Variants in BRF1 observed in about 807,000 individuals in gnomAD.
BRF1 encodes the protein BRF1 general transcription factor IIIB subunit, also known as transcription factor IIIB 90 kDa subunit.
A neutral mutation model predicts 81.7 loss-of-function variants in BRF1; 59 were observed. The ratio of observed to expected loss-of-function variants is 0.72; its 90% CI spans 0.59 to 0.90. The LOEUF (loss-of-function observed/expected upper bound fraction) is 0.90, where lower values mean the gene tolerates loss of function less well. Ranked by LOEUF, BRF1 falls within the 40% of genes least tolerant of loss-of-function variation. BRF1 has a pLI of 0.00. For synonymous variants in BRF1, 491 were observed against 395.6 expected (o/e 1.24, Z -2.86); for missense variants, 1,050 against 936.3 (o/e 1.12, Z -1.58).
Position 105,251,087 on chromosome 14 carries a change from A to T in BRF1, c.544+1420T>A, listed in dbSNP as rs953580188. 1.4e-5 allele frequency: 3 copies of T among 208,812 alleles called. No homozygotes were observed. The Admixed American group carries it at 1.6e-4, about 11-fold the overall frequency. 12.9% of individuals were successfully genotyped at this position (208,812 alleles called of 1,614,324 possible). A position where few individuals can be genotyped will look rare whatever the true frequency, so the allele number is the denominator to read the frequency against. Reference sequence around the variant, plus strand: ...GACTTCTGTAATAAAGGTTGCCTAAAATAACACCCACGTGTCAGTAAATGA... The same window carrying T: ...GACTTCTGTAATAAAGGTTGCCTAATATAACACCCACGTGTCAGTAAATGA... On this transcript the variant is annotated intron_variant, in intron 5 of 17. Transcript: ENST00000547530.
chr14:105,251,596 G>C (rs587600205), intron 5 of BRF1, among the ~76,000 whole-genome samples: 1 of 152,208 alleles, frequency 6.6e-6, no homozygotes, highest in African/African-American at 2.4e-5. Context: ...GGCATGGGCC[G>C]AGTGTATAGC....
intron 16 of BRF1, 48 bp downstream of exon 16, chr14:105,212,065 G>A (rs1324675013): frequency 6.2e-7 from 1 of 1,602,154 alleles, no homozygotes; most frequent in South Asian, 1.1e-5. Flanking sequence ...AGGAAGAAGT[G>A]GGCTGCCTCC....
intron 5 of BRF1, among the ~76,000 whole-genome samples, chr14:105,244,303 G>C (rs2054924685): frequency 1.3e-5 from 2 of 152,058 alleles, no homozygotes; most frequent in Admixed American, 1.3e-4. Flanking sequence ...ATTTAGCCTA[G>C]TGTAGTGATG....
chr14:105,303,957 C>T (rs587766744), upstream of BRF1, among the ~76,000 whole-genome samples: 1 of 152,354 alleles, frequency 6.6e-6, no homozygotes, highest in Admixed American at 6.5e-5. Context: ...AAGCCAGAAT[C>T]CAATCTGAGG....
chr14:105,265,224 C>T (rs1418743518), intron 3 of BRF1, among the ~76,000 whole-genome samples: 1 of 151,908 alleles, frequency 6.6e-6, no homozygotes, highest in African/African-American at 2.4e-5. Flanking sequence ...GTGTGCACCA[C>T]CACACCTGGC....
At chr14:105,248,606 C>T in intron 5 of BRF1, 1 of 973,756 alleles carries the variant, frequency 1.0e-6, no homozygotes, top group Non-Finnish European at 1.2e-6. Context: ...CCCCCCGCGG[C>T]CGGGCCTGGC....
At chr14:105,267,020 G>A (rs1214302211) in intron 3 of BRF1, among the ~76,000 whole-genome samples, 1 of 152,128 alleles carries the variant, frequency 6.6e-6, no homozygotes, top group Non-Finnish European at 1.5e-5. Context: ...TCCAGCCTGG[G>A]TGATCAAGTG....
intron 10 of BRF1, chr14:105,222,630 G>GT (rs1892460408): frequency 1.4e-5 from 2 of 139,152 alleles, no homozygotes; most frequent in African/African-American, 3.0e-5. Context: ...AACCTGATCA[G>GT]TTCTTTTTTT....
chr14:105,304,528 G>T (rs2058125581), upstream of BRF1, among the ~76,000 whole-genome samples: 1 of 152,068 alleles, frequency 6.6e-6, no homozygotes, highest in African/African-American at 2.4e-5. Context: ...ATAAAAAAGG[G>T]TGAGGCTCTA....
At position 105,226,265 on chromosome 14, in the gene BRF1, A is replaced by T; in HGVS notation, c.941T>A (p.Leu314Gln). 1 of 1,614,070 alleles carries T rather than the reference A, an allele frequency of 6.2e-7. No individual in the cohort carries two copies. The highest frequency in any genetic ancestry group is 8.5e-7 in the Non-Finnish European group (1 of 1,180,016). Residue 314 changes from leucine to glutamine, a missense_variant, in exon 9 of 18, where the codon CTG becomes CAG. Transcript: ENST00000547530. ...KQLEQVLSKK[L>Q]EEVEGEISSY... ...TGGTTGGTTACCTTCAACCTCCTCC[A>T]GTTTTTTTGACAGGACTTGTTCAAG... is the stretch of plus-strand genomic sequence containing the variant.
intron 2 of BRF1, among the ~76,000 whole-genome samples, chr14:105,278,889 C>T (rs587702852): frequency 2.8e-4 from 42 of 152,126 alleles, no homozygotes; most frequent in African/African-American, 9.9e-4. Context: ...CTAAAAAGTA[C>T]AAATATTAGC....
intron 5 of BRF1, among the ~76,000 whole-genome samples, chr14:105,244,957 A>C (rs2054982450): frequency 6.6e-6 from 1 of 152,106 alleles, no homozygotes; most frequent in Non-Finnish European, 1.5e-5. Context: ...CAAAAAAAAA[A>C]AAACTAAAAA....
chr14:105,213,275 C>T (rs1455593676), intron 15 of BRF1: 1 of 152,256 alleles, frequency 6.6e-6, no homozygotes, highest in East Asian at 1.9e-4. Flanking sequence ...AGGAGGCAGG[C>T]CTGGCAGTTG....
intron 1 of BRF1, among the ~76,000 whole-genome samples, chr14:105,308,185 C>T (rs587693371): frequency 1.3e-5 from 2 of 150,968 alleles, no homozygotes; most frequent in Non-Finnish European, 3.0e-5. Context: ...TCTGTCCCCC[C>T]CAAAAAAACA....
chr14:105,241,036 C>G (rs12433209), intron 6 of BRF1, among the ~76,000 whole-genome samples: 4 of 152,216 alleles, frequency 2.6e-5, no homozygotes, highest in East Asian at 1.9e-4. Context: ...CCGCTCTGCC[C>G]TGAGAGTTCT....
chr14:105,258,221 A>G (rs58528939), intron 3 of BRF1, among the ~76,000 whole-genome samples: 44,514 of 152,138 alleles, frequency 0.29, 6,757 homozygotes, highest in African/African-American at 0.32. Context: ...GGACGCGGTG[A>G]CTCACGCCTG....
chr14:105,241,454 C>A, intron 5 of BRF1, 40 bp from the exon 6 acceptor site: 1 of 1,605,628 alleles, frequency 6.2e-7, no homozygotes, highest in East Asian at 2.2e-5. Context: ...CCTCCATGTG[C>A]CATGGCACGT....
intron 1 of BRF1, among the ~76,000 whole-genome samples, chr14:105,298,663 T>C (rs2057840607): frequency 6.6e-6 from 1 of 151,454 alleles, no homozygotes; most frequent in Non-Finnish European, 1.5e-5. Context: ...AAGACCAGCC[T>C]GACGAACAGG....
At chr14:105,248,481 G>C in intron 5 of BRF1, 1 of 984,724 alleles carries the variant, frequency 1.0e-6, no homozygotes, top group Non-Finnish European at 1.2e-6. Flanking sequence ...AGGATGTCGG[G>C]CCTGGGGGCG....
Sources: allele counts gnomAD v4.1 joint callset (sites outside exome capture counted in the v4.1 genomes callset), GRCh38; gene constraint gnomAD v4.1.1; transcripts MANE v1.5; gene names NCBI Gene and HGNC (gene_info 2026-07-23, HGNC 2026-07-21).